TBCK: variants seen among roughly 807,000 people sequenced by gnomAD.
TBCK encodes TBC domain-containing protein kinase-like protein.
Under a neutral mutation model 113.4 loss-of-function variants are expected in TBCK, and 99 were observed. That is an observed-to-expected ratio of 0.87 (90% CI 0.74 to 1.03). TBCK has a LOEUF of 1.03. TBCK is among the 50% of genes least tolerant of loss of function. The pLI is 0.00. For synonymous variants in TBCK, 369 were observed against 370.8 expected (o/e 1.00, Z 0.05); for missense variants, 1,045 against 1,061.3 (o/e 0.98, Z 0.21).
chr4:106,271,735 G>C (rs188449352), intron 3 of TBCK, among the ~76,000 whole-genome samples: 430 of 145,762 alleles, frequency 3.0e-3, no homozygotes, highest in Non-Finnish European at 5.4e-3. Context: ...CTGGGCGATA[G>C]AGCAAGACTT....
chr4:106,308,848 A>C lies in TBCK; in HGVS notation c.113T>G (p.Ile38Ser). ...GLPLTPNSIK[I>S]LGRFQILKTI... Reference sequence around the variant, plus strand: ...TTTAAGGATTTGAAAGCGCCCTAAAATTTTGATGGAATTTGGTGTGAGAGG... The same window carrying C: ...TTTAAGGATTTGAAAGCGCCCTAAACTTTTGATGGAATTTGGTGTGAGAGG... The change falls in exon 2 of 26, where the codon ATT becomes AGT. Residue 38 changes from isoleucine to serine, a missense_variant. By Grantham distance (142) the Ile-to-Ser change is moderately radical. Transcript: ENST00000394708. 1 of 1,614,182 alleles carries C rather than the reference A, an allele frequency of 6.2e-7. No individual in the cohort carries two copies. Among genetic ancestry groups the C allele is most frequent in the Non-Finnish European group, 8.5e-7 (1 of 1,180,018 alleles).
At chr4:106,213,738 T>A (rs958730005) in intron 19 of TBCK, 1 of 155,856 alleles carries the variant, frequency 6.4e-6, no homozygotes, top group African/African-American at 2.4e-5. Flanking sequence ...GTCTCCCTGA[T>A]TGCTAGCACA....
At chr4:106,281,496 G>A (rs1017212397) in intron 3 of TBCK, among the ~76,000 whole-genome samples, 26 of 152,144 alleles carry the variant, frequency 1.7e-4, no homozygotes, top group African/African-American at 5.1e-4. Context: ...CCATGTTCCA[G>A]ATCTTAGTAA....
chr4:106,080,119 C>T (rs1738682408), intron 25 of TBCK, among the ~76,000 whole-genome samples: 1 of 151,898 alleles, frequency 6.6e-6, no homozygotes, highest in Admixed American at 6.6e-5. Flanking sequence ...AAGCAATCTA[C>T]AGATTCAACA....
At chr4:106,247,537 G>T in intron 9 of TBCK, 1 of 337,144 alleles carries the variant, frequency 3.0e-6, no homozygotes, top group Non-Finnish European at 5.3e-6. Flanking sequence ...TTCCATAAAA[G>T]CTTCTGCATT....
intron 5 of TBCK, among the ~76,000 whole-genome samples, chr4:106,257,634 T>C (rs1762130633): frequency 6.6e-6 from 1 of 152,104 alleles, no homozygotes; most frequent in Admixed American, 6.5e-5. Flanking sequence ...TCGTATTGTG[T>C]TATTTTACCC....
chr4:106,046,994 TC>T (rs1734292080), intron 25 of TBCK, among the ~76,000 whole-genome samples: 1 of 152,192 alleles, frequency 6.6e-6, no homozygotes, highest in South Asian at 2.1e-4. Context: ...GTAAACTCAT[TC>T]CACTTCTGTT....
chr4:106,187,087 A>T (rs1753108282), intron 22 of TBCK, among the ~76,000 whole-genome samples: 1 of 151,932 alleles, frequency 6.6e-6, no homozygotes. Context: ...AACCCATTCC[A>T]TTGATCTATG....
chr4:106,251,830 T>G, intron 6 of TBCK, 36 bp downstream of exon 6: 4 of 1,434,062 alleles, frequency 2.8e-6, no homozygotes, highest in Non-Finnish European at 3.7e-6. Context: ...AAATGCACAA[T>G]TTCCTTTTAT....
At chr4:106,260,683 A>G (rs898091247) in intron 4 of TBCK, among the ~76,000 whole-genome samples, 173 bp from the exon 5 acceptor site, 1 of 152,050 alleles carries the variant, frequency 6.6e-6, no homozygotes, top group South Asian at 2.1e-4. Context: ...ATAAAAAACT[A>G]TCTGCCAATA....
At chr4:106,062,145 T>A (rs1269880256) in intron 25 of TBCK, among the ~76,000 whole-genome samples, 1 of 151,910 alleles carries the variant, frequency 6.6e-6, no homozygotes, top group African/African-American at 2.4e-5. Flanking sequence ...GCAATTAGGA[T>A]CTTCCTATAG....
chr4:106,117,382 T>C (rs1458559321), intron 23 of TBCK, among the ~76,000 whole-genome samples: 2 of 152,200 alleles, frequency 1.3e-5, no homozygotes, highest in East Asian at 3.8e-4. Flanking sequence ...TTATGTTATA[T>C]ATAAATGGTT....
chr4:106,216,105 C>G (rs1756876748), intron 19 of TBCK, among the ~76,000 whole-genome samples: 1 of 152,152 alleles, frequency 6.6e-6, no homozygotes, highest in Non-Finnish European at 1.5e-5. Context: ...ACAACCTCCT[C>G]CTGAATGACT....
chr4:106,048,207 G>C (rs1182021997), intron 25 of TBCK, among the ~76,000 whole-genome samples: 1 of 152,102 alleles, frequency 6.6e-6, no homozygotes, highest in Non-Finnish European at 1.5e-5. Flanking sequence ...AAGTCAAAAG[G>C]ATAAAGGTCT....
chr4:106,295,016 C>A (rs561056331), intron 3 of TBCK, 78 bp downstream of exon 3: 7 of 1,178,360 alleles, frequency 5.9e-6, no homozygotes, highest in East Asian at 2.4e-5. Context: ...AGAAACCAAA[C>A]CCCTGCAGTT....
At chr4:106,214,700 C>A (rs1191634755) in intron 19 of TBCK, among the ~76,000 whole-genome samples, 50 of 152,006 alleles carry the variant, frequency 3.3e-4, no homozygotes, top group African/African-American at 8.2e-4. Context: ...AGCCTCCAAG[C>A]AATATGGGAC....
intron 24 of TBCK, among the ~76,000 whole-genome samples, chr4:106,112,214 T>G (rs1392376900): frequency 6.6e-6 from 1 of 152,208 alleles, no homozygotes; most frequent in East Asian, 1.9e-4. Context: ...GTTGCTAGGT[T>G]ATGACCCTGA....
At chr4:106,248,393 TTGA>T (rs1761069481) in intron 8 of TBCK, 87 bp from the exon 9 acceptor site, 1 of 1,002,466 alleles carries the variant, frequency 1.0e-6, no homozygotes, top group Admixed American at 3.0e-5. Flanking sequence ...CTAGAAGTTT[TTGA>T]TGTTTTTAAA....
intron 24 of TBCK, among the ~76,000 whole-genome samples, chr4:106,109,530 A>G (rs1742574376): frequency 6.6e-6 from 1 of 151,952 alleles, no homozygotes; most frequent in Non-Finnish European, 1.5e-5. Context: ...TGGGAAAAAG[A>G]CTCCCTATTC....
Sources: gnomAD v4.1 joint callset for allele counts (sites outside exome capture counted in the v4.1 genomes callset) on GRCh38, gnomAD v4.1.1 for gene constraint, MANE v1.5 for transcripts, NCBI Gene and HGNC (gene_info 2026-07-23, HGNC 2026-07-21) for gene names.